The following THTPA variants were observed in gnomAD, a reference collection of about 807,000 sequenced individuals.
THTPA encodes thiamine triphosphatase.
THTPA carries 16 observed loss-of-function variants against 16.5 expected under a neutral mutation model. The observed-to-expected ratio is 0.97, with a 90% CI of 0.66 to 1.47. The LOEUF is 1.47. Among genes scored for constraint, THTPA ranks in the 40% most tolerant of loss-of-function variants. The pLI is 0.00. For missense variants in THTPA, 281 were observed against 280.9 expected (o/e 1.00, Z 0.00); for synonymous variants, 110 against 115.5 (o/e 0.95, Z 0.30).
chr14:23,524,377 G>T, the THTPA span: 1 of 1,536,196 alleles, frequency 6.5e-7, no homozygotes, highest in Non-Finnish European at 8.7e-7. This position sits in a 1 kb window ranked among gnomAD's most constrained non-coding sequence, Gnocchi z 5.6. Flanking sequence ...GCTTGTCCCT[G>T]GGGGGCTCGC....
At position 23,558,548 on chromosome 14, in the gene THTPA, G is replaced by C. The variant is rs142721890; in HGVS notation, c.548-147G>C. On this transcript the variant is annotated intron_variant, in intron 1 of 1. Transcript: ENST00000288014. ...CCACAGGCAGGCAGGGAGTGGACTAGTGTGTTACAGAAGCTGGGTGGGTGA... is the reference window on the plus strand; with the variant it reads ...CCACAGGCAGGCAGGGAGTGGACTACTGTGTTACAGAAGCTGGGTGGGTGA... The C allele has an allele frequency of 7.2e-3, 7,224 of 1,001,756 alleles. 51 individuals are homozygous for C. The highest frequency in any genetic ancestry group is 0.022 in the Middle Eastern group (72 of 3,300). 62.1% of individuals were successfully genotyped at this position (1,001,756 alleles called of 1,614,324 possible).
At position 23,559,800 on chromosome 14, in the gene THTPA, C is replaced by A; in HGVS notation, c.*960C>A. 2 of 1,614,088 alleles carry A rather than the reference C, an allele frequency of 1.2e-6. No homozygotes were observed. The highest frequency in any genetic ancestry group is 8.5e-7 in the Non-Finnish European group (1 of 1,180,026). ...TGTTCACCTCAAAGATCTCCTGCACCGACTGGTGAAAGTGGTCGTAGGTGA... is the reference window on the plus strand; with the variant it reads ...TGTTCACCTCAAAGATCTCCTGCACAGACTGGTGAAAGTGGTCGTAGGTGA... On this transcript the variant is annotated 3_prime_UTR_variant, in exon 2 of 2. Coordinates refer to ENST00000288014, the MANE Select transcript of THTPA (RefSeq NM_024328.6).
the THTPA span, chr14:23,534,083 G>A: frequency 4.6e-6 from 7 of 1,508,704 alleles, no homozygotes; most frequent in South Asian, 2.5e-5. The surrounding 1 kb of genome is among the most constrained non-coding windows in gnomAD (Gnocchi z 4.5). Context: ...GGCTGGGGTG[G>A]GTCACTGGGG....
chr14:23,549,535 T>G, the THTPA span, among the ~76,000 whole-genome samples: 1 of 152,090 alleles, frequency 6.6e-6, no homozygotes, highest in Non-Finnish European at 1.5e-5. Flanking sequence ...TAATAAACAC[T>G]GCCTCATTAA....
In THTPA at chr14:23,559,111, A is replaced by T. The variant is rs1882934801; in HGVS notation, c.*271A>T. ...TTCCGCTCGTGTTTATAGGATTTCC[A>T]CTTAGCCGTGATCAGTAGTTAAGCA... On this transcript the variant is annotated 3_prime_UTR_variant, in exon 2 of 2. Coordinates refer to ENST00000288014, the MANE Select transcript of THTPA (RefSeq NM_024328.6). 4 of 449,274 alleles carry T rather than the reference A, an allele frequency of 8.9e-6. No homozygotes were observed. Among genetic ancestry groups the T allele is most frequent in the Non-Finnish European group, 1.6e-5 (4 of 247,058 alleles). The allele number at this position is 449,274 out of a possible 1,614,324, so 27.8% of individuals were successfully genotyped here.
At chr14:23,537,400 T>G in the THTPA span, among the ~76,000 whole-genome samples, 1 of 152,060 alleles carries the variant, frequency 6.6e-6, no homozygotes, top group Non-Finnish European at 1.5e-5. Flanking sequence ...GAGTGCTTCG[T>G]GTAAGGGGCG....
upstream of THTPA, among the ~76,000 whole-genome samples, chr14:23,553,946 C>T (rs2138964299): frequency 6.7e-6 from 1 of 150,048 alleles, no homozygotes; most frequent in African/African-American, 2.5e-5. Context: ...TGCCTGTAGT[C>T]CCAACTACTC....
At chr14:23,530,530 G>A in the THTPA span, 19 of 517,414 alleles carry the variant, frequency 3.7e-5, no homozygotes, top group Admixed American at 3.1e-4. Context: ...CCAGAGAAAT[G>A]TAGTAGGAGG....
upstream of THTPA, chr14:23,555,593 C>T (rs1433835780): frequency 6.6e-6 from 1 of 152,228 alleles, no homozygotes; most frequent in African/African-American, 2.4e-5. Context: ...CTCTTACCCT[C>T]AACGTTCATG....
the THTPA span, among the ~76,000 whole-genome samples, chr14:23,541,397 C>T: frequency 1.3e-5 from 2 of 151,668 alleles, no homozygotes; most frequent in African/African-American, 4.9e-5. Context: ...AAGCGATTCT[C>T]CTGCCTCAGC....
At chr14:23,545,920 A>G in the THTPA span, among the ~76,000 whole-genome samples, 3 of 152,208 alleles carry the variant, frequency 2.0e-5, no homozygotes, top group Admixed American at 2.0e-4. Context: ...GGGGAAACAC[A>G]ATCTAACACT....
At chr14:23,534,541 T>C in the THTPA span, 1 of 1,536,144 alleles carries the variant, frequency 6.5e-7, no homozygotes, top group East Asian at 2.4e-5. This position sits in a 1 kb window ranked among gnomAD's most constrained non-coding sequence, Gnocchi z 4.5. Context: ...AGGGGTTAGC[T>C]TCACCCCATG....
At chr14:23,554,493 C>A (rs1329162300), upstream of THTPA, among the ~76,000 whole-genome samples, 1 of 151,982 alleles carries the variant, frequency 6.6e-6, no homozygotes, top group African/African-American at 2.4e-5. Flanking sequence ...CCCGCTGCCT[C>A]AACCTCCTGA....
Position 23,559,197 on chromosome 14 carries a change from C to A in THTPA, c.*357C>A, listed in dbSNP as rs1306760864. On this transcript the variant is annotated 3_prime_UTR_variant, in exon 2 of 2. Transcript: ENST00000288014. The stretch of plus-strand genomic sequence containing the variant: ...GATGCCATTGATTCTGCCAGCGGCT[C>A]CTAAACCGCCTTACAGCTGAGTTAG... 4.0e-6 allele frequency: 1 copy of A among 248,660 alleles called. No individual in the cohort carries two copies. The highest frequency in any genetic ancestry group is 5.1e-5 in the Admixed American group (1 of 19,794). The allele number at this position is 248,660 out of a possible 1,614,324, so 15.4% of individuals were successfully genotyped here.
the THTPA span, among the ~76,000 whole-genome samples, chr14:23,548,859 G>T: frequency 1.3e-5 from 2 of 152,154 alleles, no homozygotes; most frequent in African/African-American, 4.8e-5. Flanking sequence ...CGCCCCCGCA[G>T]TGCTCTCGCT....
At chr14:23,555,258 C>G (rs1276484517), upstream of THTPA, among the ~76,000 whole-genome samples, 1 of 152,152 alleles carries the variant, frequency 6.6e-6, no homozygotes, top group African/African-American at 2.4e-5. Flanking sequence ...CTCGGCTTCC[C>G]AAAGTGCTGG....
chr14:23,532,021 C>T, the THTPA span: 2 of 214,068 alleles, frequency 9.3e-6, no homozygotes, highest in Non-Finnish European at 1.8e-5. Flanking sequence ...AGTGATCCTC[C>T]CGCCTCGGCC....
chr14:23,527,663 A>C, the THTPA span: 1 of 1,536,336 alleles, frequency 6.5e-7, no homozygotes, highest in Non-Finnish European at 8.7e-7. Flanking sequence ...CTAAGGTGGA[A>C]GTGCAGGGCA....
chr14:23,524,111 T>C, the THTPA span: 2 of 1,534,614 alleles, frequency 1.3e-6, no homozygotes, highest in African/African-American at 1.4e-5. The surrounding 1 kb of genome is among the most constrained non-coding windows in gnomAD (Gnocchi z 5.6). Context: ...TAATAAGAGG[T>C]TGAACTTGGG....
Sources: gnomAD v4.1 joint callset for allele counts (sites outside exome capture counted in the v4.1 genomes callset) on GRCh38, gnomAD v4.1.1 for gene constraint, Gnocchi (gnomAD v3.1) non-coding constraint, MANE v1.5 for transcripts, NCBI Gene and HGNC (gene_info 2026-07-23, HGNC 2026-07-21) for gene names.